RBFOX2: variants seen among roughly 807,000 people sequenced by gnomAD.
The protein encoded by RBFOX2 is RNA binding protein fox-1 homolog 2.
A neutral mutation model predicts 49.1 loss-of-function variants in RBFOX2; 10 were observed. The ratio of observed to expected loss-of-function variants is 0.20; its 90% CI spans 0.13 to 0.35. RBFOX2 has a LOEUF of 0.35. RBFOX2 is among the 10% of genes least tolerant of loss of function. RBFOX2 has a pLI of 1.00. For synonymous variants in RBFOX2, 183 were observed against 187.4 expected, an observed-to-expected ratio of 0.98 and a Z score of 0.19; for missense variants, 323 against 486.9, an observed-to-expected ratio of 0.66 and a Z score of 3.17.
chr22:35,953,833 G>GA (rs1569510028), intron 1 of RBFOX2, among the ~76,000 whole-genome samples: 2 of 152,132 alleles, frequency 1.3e-5, no homozygotes, highest in African/African-American at 4.8e-5. Context: ...ATATACTCTG[G>GA]AAAACTGAAG....
At chr22:35,976,317 T>G (rs1422496983) in intron 1 of RBFOX2, among the ~76,000 whole-genome samples, 1 of 151,628 alleles carries the variant, frequency 6.6e-6, no homozygotes, top group African/African-American at 2.4e-5. Flanking sequence ...AACCAAAAAC[T>G]CTGACCACCA....
rs2056677837 is a variant in RBFOX2, at chr22:35,968,253, A to C, written c.187-29356T>G. On this transcript the variant is annotated intron_variant, in intron 1 of 13. Coordinates refer to the RBFOX2 transcript ENST00000438146. ...AAAGTTGAAAGGGTTAGTTAAGGGA[A>C]GGGATAGTCATTCAACCAATTTAGA... Among the ~76,000 whole-genome samples the C allele has an allele frequency of 2.0e-5, 3 of 152,234 alleles. No homozygotes were observed. The South Asian group carries it at 6.2e-4, about 32-fold the overall frequency.
At chr22:35,814,582 G>A (rs888211583) in intron 1 of RBFOX2, among the ~76,000 whole-genome samples, 1 of 151,288 alleles carries the variant, frequency 6.6e-6, no homozygotes, top group African/African-American at 2.4e-5. Context: ...ATGGTAGCAT[G>A]TGCCTGTAGT....
intron 2 of RBFOX2, among the ~76,000 whole-genome samples, chr22:35,791,385 CAAA>C (rs5845238): frequency 2.3e-5 from 3 of 129,996 alleles, no homozygotes; most frequent in Admixed American, 1.5e-4. Flanking sequence ...AACTCTGTCT[CAAA>C]AAAAAAAAAA....
chr22:35,823,658 C>T (rs774434813), intron 1 of RBFOX2, among the ~76,000 whole-genome samples: 22 of 152,032 alleles, frequency 1.4e-4, no homozygotes, highest in Non-Finnish European at 2.5e-4. Context: ...ATTTGAGAAA[C>T]GTTAAATAAC....
chr22:35,897,157 T>C, intron 1 of RBFOX2: 1 of 569,070 alleles, frequency 1.8e-6, no homozygotes, highest in Non-Finnish European at 3.2e-6. Context: ...AATGGTGGGA[T>C]CTTATTCACT....
At chr22:36,010,666 C>G (rs1222794116) in intron 1 of RBFOX2, among the ~76,000 whole-genome samples, 2 of 149,330 alleles carry the variant, frequency 1.3e-5, no homozygotes, top group African/African-American at 4.9e-5. Context: ...ATTAACTGTG[C>G]TAGAGTCAAG....
chr22:35,858,615 C>T (rs1342294616), intron 1 of RBFOX2, among the ~76,000 whole-genome samples: 3 of 152,002 alleles, frequency 2.0e-5, no homozygotes. Context: ...CATTTGAAGT[C>T]AGGAGTTCAA....
chr22:35,938,569 A>G (rs971774452), intron 1 of RBFOX2, among the ~76,000 whole-genome samples: 5 of 152,196 alleles, frequency 3.3e-5, no homozygotes, highest in Non-Finnish European at 5.9e-5. Flanking sequence ...AACCAGGTCA[A>G]AAAATTATTA....
intron 1 of RBFOX2, among the ~76,000 whole-genome samples, chr22:35,884,000 C>CTTTTTTTT (rs34644201): frequency 3.2e-4 from 20 of 62,680 alleles, no homozygotes; most frequent in Non-Finnish European, 3.9e-4. Context: ...GTAGTTATCT[C>CTTTTTTTT]TTTTTTTTTT....
At chr22:35,789,029 A>C (rs1947016407) in intron 2 of RBFOX2, among the ~76,000 whole-genome samples, 1 of 152,110 alleles carries the variant, frequency 6.6e-6, no homozygotes, top group African/African-American at 2.4e-5. Context: ...TCTTATCTGA[A>C]ACCTTTGCGG....
intron 1 of RBFOX2, chr22:35,821,667 T>A: frequency 2.0e-6 from 1 of 502,434 alleles, no homozygotes; most frequent in Non-Finnish European, 3.9e-6. Context: ...GTCAGTCCTT[T>A]GAGGACTGAC....
intron 1 of RBFOX2, among the ~76,000 whole-genome samples, chr22:36,001,079 A>C (rs2058395466): frequency 6.6e-6 from 1 of 152,158 alleles, no homozygotes; most frequent in African/African-American, 2.4e-5. Context: ...AGCTATTTTT[A>C]AACAGAGTAA....
chr22:35,990,994 G>A (rs2057955335), intron 1 of RBFOX2, among the ~76,000 whole-genome samples: 1 of 151,994 alleles, frequency 6.6e-6, no homozygotes, highest in Non-Finnish European at 1.5e-5. Context: ...GCATGGTGTT[G>A]CACACCTGTA....
chr22:35,889,793 G>C (rs1473467834), intron 1 of RBFOX2, among the ~76,000 whole-genome samples: 1 of 152,078 alleles, frequency 6.6e-6, no homozygotes, highest in Non-Finnish European at 1.5e-5. Context: ...TTCTCTAATT[G>C]TGTAGAGCAA....
At chr22:36,013,280 G>T (rs2058894710) in intron 1 of RBFOX2, among the ~76,000 whole-genome samples, 1 of 152,158 alleles carries the variant, frequency 6.6e-6, no homozygotes. Flanking sequence ...AAAAGAAAAA[G>T]ATTGTTCCTG....
At chr22:35,752,983 A>C (rs1441725187) in intron 9 of RBFOX2, among the ~76,000 whole-genome samples, 4 of 152,252 alleles carry the variant, frequency 2.6e-5, no homozygotes, top group African/African-American at 9.6e-5. Context: ...GTGCCATAAA[A>C]GAAACAGAAA....
intron 2 of RBFOX2, among the ~76,000 whole-genome samples, chr22:35,799,558 C>G (rs1286361865): frequency 6.6e-6 from 1 of 152,100 alleles, no homozygotes; most frequent in African/African-American, 2.4e-5. Context: ...TAAGACCATC[C>G]AACATAAGCG....
chr22:35,883,760 A>C (rs1365934371), intron 1 of RBFOX2, among the ~76,000 whole-genome samples: 7 of 152,166 alleles, frequency 4.6e-5, no homozygotes, highest in Non-Finnish European at 1.0e-4. Context: ...CCACAACTAT[A>C]AATGATAGTG....
Sources: allele counts gnomAD v4.1 joint callset (sites outside exome capture counted in the v4.1 genomes callset), GRCh38; gene constraint gnomAD v4.1.1; transcripts MANE v1.5; gene names NCBI Gene and HGNC (gene_info 2026-07-23, HGNC 2026-07-21).